SHISA9: variants seen among roughly 807,000 people sequenced by gnomAD.
SHISA9 encodes shisa family member 9.
In SHISA9, 13 loss-of-function variants were observed where a neutral mutation model predicts 38.0. That is an observed-to-expected ratio of 0.34 (90% CI 0.22 to 0.54). The LOEUF (loss-of-function observed/expected upper bound fraction) is 0.54, where lower values mean the gene tolerates loss of function less well. Among genes scored for constraint, SHISA9 ranks in the 20% least tolerant of loss-of-function variants. The pLI is 0.91. For missense variants in SHISA9, 538 were observed against 575.8 expected (o/e 0.93, Z 0.67); for synonymous variants, 275 against 242.0 (o/e 1.14, Z -1.27).
In SHISA9 at chr16:13,235,704, A is replaced by C; in HGVS notation, c.*295A>C. On this transcript the variant is annotated 3_prime_UTR_variant, in exon 5 of 5. Coordinates refer to ENST00000558583, the MANE Select transcript of SHISA9 (RefSeq NM_001145204.3). Reference sequence around the variant, plus strand: ...CCAAGATGGCCAACTCACATGCCCAAACCGTGGGGCTGAGTTTTCTTTTCC... The same window carrying C: ...CCAAGATGGCCAACTCACATGCCCACACCGTGGGGCTGAGTTTTCTTTTCC... 2.7e-6 allele frequency: 1 copy of C among 372,466 alleles called. No homozygotes were observed. Among genetic ancestry groups the C allele is most frequent in the Non-Finnish European group, 4.8e-6 (1 of 208,268 alleles). 23.1% of individuals were successfully genotyped at this position (372,466 alleles called of 1,614,324 possible). A position where few individuals can be genotyped will look rare whatever the true frequency, so the allele number is the denominator to read the frequency against.
the SHISA9 span, among the ~76,000 whole-genome samples, chr16:13,341,086 A>T: frequency 8.5e-5 from 13 of 152,268 alleles, 1 homozygote; most frequent in Admixed American, 8.5e-4. Context: ...TCCAAGCTCC[A>T]CTGGGAAGGA....
At chr16:13,491,817 C>CTTTTTTTTTTTTT in the SHISA9 span, among the ~76,000 whole-genome samples, 2 of 46,892 alleles carry the variant, frequency 4.3e-5, 1 homozygote, top group Non-Finnish European at 7.9e-5. Flanking sequence ...TATTTATTGA[C>CTTTTTTTTTTTTT]CTTTTTTTTT....
chr16:13,328,015 A>G, the SHISA9 span, among the ~76,000 whole-genome samples: 1 of 152,176 alleles, frequency 6.6e-6, no homozygotes, highest in African/African-American at 2.4e-5. Flanking sequence ...TCATAACAAC[A>G]TCATGCGCAT....
At chr16:13,018,454 G>T (rs1567183276) in intron 2 of SHISA9, among the ~76,000 whole-genome samples, 1 of 152,140 alleles carries the variant, frequency 6.6e-6, no homozygotes, top group African/African-American at 2.4e-5. Flanking sequence ...GCTAGCATTT[G>T]CCCAGCACCC....
chr16:13,472,713 T>A, the SHISA9 span, among the ~76,000 whole-genome samples: 1 of 152,112 alleles, frequency 6.6e-6, no homozygotes, highest in African/African-American at 2.4e-5. Flanking sequence ...TTTTAAATGA[T>A]CTTTTCTCTT....
chr16:13,120,441 T>C (rs1377375287), intron 2 of SHISA9, among the ~76,000 whole-genome samples: 6 of 152,146 alleles, frequency 3.9e-5, no homozygotes, highest in Non-Finnish European at 7.4e-5. Flanking sequence ...GGAAGCACCA[T>C]ATTCATAGTG....
At chr16:12,914,604 G>A (rs1338566357) in intron 1 of SHISA9, among the ~76,000 whole-genome samples, 3 of 152,018 alleles carry the variant, frequency 2.0e-5, no homozygotes, top group Middle Eastern at 3.4e-3. Flanking sequence ...TTCTCACAAC[G>A]CAGCTGTTGT....
intron 2 of SHISA9, among the ~76,000 whole-genome samples, chr16:12,969,079 C>T (rs888539881): frequency 1.3e-5 from 2 of 151,736 alleles, no homozygotes; most frequent in Non-Finnish European, 2.9e-5. Flanking sequence ...ATCGCTTGAA[C>T]CTAGGGGGCA....
Position 13,109,842 on chromosome 16 carries a change from T to G in SHISA9, c.692-93552T>G, listed in dbSNP as rs142620621. On this transcript the variant is annotated intron_variant, in intron 2 of 4. Transcript: ENST00000558583. ...CATCCCTGTCTTAGCAGGTATAAAT[T>G]CTTCATTTTTTATTGCTGCATAATA... Among the ~76,000 whole-genome samples the G allele has an allele frequency of 4.6e-3, 694 of 152,290 alleles. 8 individuals carry two copies. The highest frequency in any genetic ancestry group is 0.016 in the African/African-American group (666 of 41,546).
At chr16:13,125,400 G>C (rs1224457301) in intron 2 of SHISA9, among the ~76,000 whole-genome samples, 3 of 152,174 alleles carry the variant, frequency 2.0e-5, no homozygotes, top group Non-Finnish European at 2.9e-5. Flanking sequence ...CTGGTTTCCT[G>C]TTTTATTAGC....
intron 2 of SHISA9, among the ~76,000 whole-genome samples, chr16:12,935,502 T>C (rs764270726): frequency 2.6e-4 from 40 of 152,178 alleles, no homozygotes; most frequent in Middle Eastern, 3.4e-3. Flanking sequence ...CCAGCAAAAA[T>C]GGGCATATGT....
chr16:13,272,372 C>T, the SHISA9 span, among the ~76,000 whole-genome samples: 2 of 152,074 alleles, frequency 1.3e-5, no homozygotes, highest in Non-Finnish European at 1.5e-5. Context: ...CATAAAACCT[C>T]ATTTCTTTTT....
At chr16:13,383,592 T>C in the SHISA9 span, among the ~76,000 whole-genome samples, 1 of 152,184 alleles carries the variant, frequency 6.6e-6, no homozygotes, top group African/African-American at 2.4e-5. Context: ...GAGGAGCATA[T>C]TAAGTTGGTG....
the SHISA9 span, among the ~76,000 whole-genome samples, chr16:13,519,821 G>A: frequency 6.6e-6 from 1 of 152,128 alleles, no homozygotes; most frequent in Non-Finnish European, 1.5e-5. Context: ...ATTATCATGA[G>A]AACAGTATGA....
In SHISA9 at chr16:12,914,577, G is replaced by C. The variant is rs75728421; in HGVS notation, c.564-2111G>C. On this transcript the variant is annotated intron_variant, in intron 1 of 4. Transcript: ENST00000558583. Reference sequence around the variant, plus strand: ...AGTCTTTTCCTCTCATTCATATGGGGCTCTTGCTGTTGTGGCTTCTCACAA... The same window carrying C: ...AGTCTTTTCCTCTCATTCATATGGGCCTCTTGCTGTTGTGGCTTCTCACAA... Among the ~76,000 whole-genome samples, 749 of 152,170 alleles carry C rather than the reference G, an allele frequency of 4.9e-3. 9 individuals carry two copies. Among genetic ancestry groups the C allele is most frequent in the Non-Finnish European group, 8.1e-3 (554 of 67,988 alleles).
chr16:13,433,629 C>A, the SHISA9 span, among the ~76,000 whole-genome samples: 760 of 152,258 alleles, frequency 5.0e-3, 7 homozygotes, highest in African/African-American at 0.017. Context: ...CACCACATGT[C>A]ACTGCATACA....
downstream of SHISA9, among the ~76,000 whole-genome samples, chr16:13,242,003 A>G (rs189080197): frequency 1.3e-3 from 196 of 152,352 alleles, 2 homozygotes; most frequent in African/African-American, 4.5e-3. Flanking sequence ...ATTATAACTC[A>G]TAAACAACAA....
intron 4 of SHISA9, among the ~76,000 whole-genome samples, chr16:13,220,702 C>T (rs990056946): frequency 2.0e-5 from 3 of 152,132 alleles, no homozygotes; most frequent in African/African-American, 7.2e-5. Context: ...CAGCAATGCA[C>T]AGGAAGGCAG....
chr16:13,315,133 A>T, the SHISA9 span, among the ~76,000 whole-genome samples: 1 of 152,156 alleles, frequency 6.6e-6, no homozygotes, highest in Non-Finnish European at 1.5e-5. Flanking sequence ...TGGGCTTTGG[A>T]GTCCGGCAGA....
Sources: gnomAD v4.1 joint callset for allele counts (sites outside exome capture counted in the v4.1 genomes callset) on GRCh38, gnomAD v4.1.1 for gene constraint, MANE v1.5 for transcripts, NCBI Gene and HGNC (gene_info 2026-07-23, HGNC 2026-07-21) for gene names.